The following SERINC2 variants were observed in gnomAD, a reference collection of about 807,000 sequenced individuals.
The protein encoded by SERINC2 is serine incorporator 2.
A neutral mutation model predicts 54.2 loss-of-function variants in SERINC2; 56 were observed. The ratio of observed to expected loss-of-function variants is 1.03; its 90% CI spans 0.83 to 1.29. The LOEUF is 1.29. Ranked by LOEUF, SERINC2 falls within the 50% of genes most tolerant of loss-of-function variation. The probability of loss-of-function intolerance (pLI) is 0.00; values close to 1 mark genes in which losing one functional copy is unlikely to be tolerated. For synonymous variants in SERINC2, 272 were observed against 253.1 expected (o/e 1.07, Z -0.71); for missense variants, 614 against 607.4 (o/e 1.01, Z -0.12).
intron 1 of SERINC2, among the ~76,000 whole-genome samples, chr1:31,418,411 C>G (rs1287793583): frequency 6.6e-6 from 1 of 152,034 alleles, no homozygotes; most frequent in African/African-American, 2.4e-5. Context: ...AACTCATGCT[C>G]TGTCACCCAG....
At chr1:31,414,183 C>T (rs1474037545) in intron 1 of SERINC2, 47 of 1,382,558 alleles carry the variant, frequency 3.4e-5, no homozygotes, top group Non-Finnish European at 4.4e-5. Context: ...GGGAGGCCAA[C>T]CTCTGTTCTG....
At chr1:31,414,346 A>C in intron 1 of SERINC2, 10 of 1,268,444 alleles carry the variant, frequency 7.9e-6, no homozygotes, top group Non-Finnish European at 8.9e-6. Context: ...GCCCCACACA[A>C]AGAGGCCCTG....
chr1:31,426,483 G>A (rs1428703103), intron 5 of SERINC2, among the ~76,000 whole-genome samples, 171 bp from the exon 6 acceptor site: 3 of 152,152 alleles, frequency 2.0e-5, no homozygotes, highest in Non-Finnish European at 4.4e-5. Context: ...AGCTCAGGGT[G>A]GGGCAATGAC....
intron 1 of SERINC2, among the ~76,000 whole-genome samples, chr1:31,419,213 T>C (rs1442795353): frequency 6.6e-6 from 1 of 152,238 alleles, no homozygotes; most frequent in Non-Finnish European, 1.5e-5. Context: ...CATGTGGCTC[T>C]GTAGCCAGGG....
chr1:31,432,120 T>TGGAG (rs1557501414), intron 8 of SERINC2, among the ~76,000 whole-genome samples: 14 of 13,246 alleles, frequency 1.1e-3, no homozygotes, highest in Non-Finnish European at 1.9e-3. Context: ...ATAGGGTGGT[T>TGGAG]AGGGTGGATA....
At chr1:31,432,246 C>T (rs1008872017) in intron 8 of SERINC2, among the ~76,000 whole-genome samples, 2 of 138,236 alleles carry the variant, frequency 1.4e-5, no homozygotes, top group Admixed American at 7.3e-5. Flanking sequence ...CACTGACTCA[C>T]AGCAAGGGGT....
intron 8 of SERINC2, among the ~76,000 whole-genome samples, chr1:31,432,093 CAGGG>C (rs1641283034): frequency 6.0e-5 from 1 of 16,546 alleles, no homozygotes; most frequent in East Asian, 2.5e-3. Context: ...TTAGGGTGGA[CAGGG>C]TGGACAGGGT....
rs1640704390 is a variant in SERINC2 at position 31,413,758 on chromosome 1, T to G, written c.39+454T>G. ...CCTGGCGAGTGCCCTGCCCTACCCCTCTGGCCGCCTGCCAGTCCGCCTGTT... is the reference window on the plus strand; with the variant it reads ...CCTGGCGAGTGCCCTGCCCTACCCCGCTGGCCGCCTGCCAGTCCGCCTGTT... On this transcript the variant is annotated intron_variant, in intron 1 of 9. Coordinates refer to ENST00000373709, the MANE Select transcript of SERINC2 (RefSeq NM_178865.5). The surrounding 1 kb of genome is among the most constrained non-coding windows in gnomAD (Gnocchi z 5.0). The G allele has an allele frequency of 6.5e-6, 9 of 1,377,484 alleles. No individual in the cohort carries two copies. The highest frequency in any genetic ancestry group is 8.4e-6 in the Non-Finnish European group (9 of 1,072,380). 85.3% of individuals were successfully genotyped at this position (1,377,484 alleles called of 1,614,324 possible).
chr1:31,427,460 G>T (rs1204685189), intron 6 of SERINC2, among the ~76,000 whole-genome samples: 28 of 152,156 alleles, frequency 1.8e-4, no homozygotes, highest in Admixed American at 1.7e-3. Context: ...CCTCCCTTCT[G>T]GTCAGAGCCT....
rs781967223 is a variant in SERINC2 at position 31,413,332 on chromosome 1, C to T, written c.39+28C>T. Reference sequence around the variant, plus strand: ...GAGTCCCGACCCCGGCGCCCGCCCGCGCGCGCCGCCCGTTCCTGCTGCGGG... The same window carrying T: ...GAGTCCCGACCCCGGCGCCCGCCCGTGCGCGCCGCCCGTTCCTGCTGCGGG... On this transcript the variant is annotated intron_variant, in intron 1 of 9. Transcript: ENST00000373709. This position sits in a 1 kb window ranked among gnomAD's most constrained non-coding sequence, Gnocchi z 5.0. 10 of 1,211,660 alleles carry T rather than the reference C, an allele frequency of 8.3e-6. No individual in the cohort carries two copies. Among genetic ancestry groups the T allele is most frequent in the Non-Finnish European group, 3.1e-6 (3 of 963,104 alleles). The allele number at this position is 1,211,660 out of a possible 1,614,324, so 75.1% of individuals were successfully genotyped here.
At chr1:31,426,018 C>A in intron 5 of SERINC2, 105 bp downstream of exon 5, 1 of 1,217,460 alleles carries the variant, frequency 8.2e-7, no homozygotes, top group Non-Finnish European at 1.1e-6. Context: ...TGGGGGGCAT[C>A]CCTAGCAGCC....
intron 6 of SERINC2, among the ~76,000 whole-genome samples, chr1:31,428,670 C>T (rs528733432): frequency 2.0e-5 from 3 of 151,860 alleles, no homozygotes; most frequent in African/African-American, 2.4e-5. Flanking sequence ...ACTCTCCAGA[C>T]GGAGAGCAGG....
At chr1:31,415,865 C>A in intron 1 of SERINC2, 2 of 985,500 alleles carry the variant, frequency 2.0e-6, no homozygotes, top group Non-Finnish European at 2.4e-6. Context: ...GCTGATTGTG[C>A]TTCTCAGCAT....
chr1:31,432,281 G>T (rs189469671), intron 8 of SERINC2, among the ~76,000 whole-genome samples: 1 of 150,942 alleles, frequency 6.6e-6, no homozygotes, highest in Non-Finnish European at 1.5e-5. Flanking sequence ...CTGGGGTGGC[G>T]GGGCTGGAAT....
intron 8 of SERINC2, among the ~76,000 whole-genome samples, chr1:31,432,136 G>C (rs1407188334): frequency 3.1e-5 from 4 of 130,880 alleles, no homozygotes; most frequent in South Asian, 2.7e-4. Flanking sequence ...GGATAGGGTG[G>C]ACAGGGTGGA....
At chr1:31,414,135 TG>T in intron 1 of SERINC2, 1 of 1,423,230 alleles carries the variant, frequency 7.0e-7, no homozygotes, top group Non-Finnish European at 9.2e-7. Flanking sequence ...GGTTCGGGTG[TG>T]CGCGGGGAGT....
At chr1:31,433,316 C>A in intron 9 of SERINC2, 131 bp downstream of exon 9, 1 of 729,724 alleles carries the variant, frequency 1.4e-6, no homozygotes, top group Non-Finnish European at 2.3e-6. Flanking sequence ...GTATCAAGGA[C>A]CCTCCATAGA....
intron 6 of SERINC2, among the ~76,000 whole-genome samples, chr1:31,427,102 A>G (rs1244481301): frequency 1.3e-5 from 2 of 152,166 alleles, no homozygotes; most frequent in Non-Finnish European, 2.9e-5. Flanking sequence ...CTATTTGTAA[A>G]CACTCCATGC....
Position 31,413,239 on chromosome 1 carries a change from G to T in SERINC2, c.-27G>T. On this transcript the variant is annotated 5_prime_UTR_variant, in exon 1 of 10. Coordinates refer to ENST00000373709, the MANE Select transcript of SERINC2 (RefSeq NM_178865.5). This position sits in a 1 kb window ranked among gnomAD's most constrained non-coding sequence, Gnocchi z 5.0. The stretch of plus-strand genomic sequence containing the variant: ...AGGTCCGCGCCCCGCGCCCGGCGCC[G>T]GGCGCCCGAAGCCGGGAGCCGCCGC... The T allele has an allele frequency of 4.4e-6, 5 of 1,147,394 alleles. No individual in the cohort carries two copies. Among genetic ancestry groups the T allele is most frequent in the East Asian group, 4.2e-5 (1 of 23,662 alleles). 71.1% of individuals were successfully genotyped at this position (1,147,394 alleles called of 1,614,324 possible). A position where few individuals can be genotyped will look rare whatever the true frequency, so the allele number is the denominator to read the frequency against.
Sources: allele counts gnomAD v4.1 joint callset (sites outside exome capture counted in the v4.1 genomes callset), GRCh38; gene constraint gnomAD v4.1.1; non-coding constraint Gnocchi (gnomAD v3.1); transcripts MANE v1.5; gene names NCBI Gene and HGNC (gene_info 2026-07-23, HGNC 2026-07-21).